The following VKORC1 variants were observed in gnomAD, a reference collection of about 807,000 sequenced individuals.
The protein encoded by VKORC1 is vitamin K epoxide reductase complex subunit 1.
In VKORC1, 12 loss-of-function variants were observed where a neutral mutation model predicts 14.8. That is an observed-to-expected ratio of 0.81 (90% CI 0.52 to 1.31). The LOEUF is 1.31. Ranked by LOEUF, VKORC1 falls within the 50% of genes most tolerant of loss-of-function variation. VKORC1 has a pLI of 0.00. For synonymous variants in VKORC1, 94 were observed against 92.5 expected, an observed-to-expected ratio of 1.02 and a Z score of -0.09; for missense variants, 223 against 215.3, an observed-to-expected ratio of 1.04 and a Z score of -0.22.
chr16:31,092,957 C>T (rs2057299471), intron 2 of VKORC1: 1 of 419,062 alleles, frequency 2.4e-6, no homozygotes, highest in Non-Finnish European at 4.3e-6. Flanking sequence ...TGGGAGGATC[C>T]CTTGGGCAGG....
Position 31,090,862 on chromosome 16 carries a change from C to A in VKORC1, c.*272G>T. ...CATGGTTCAGACTTGGCTGATTGAT[C>A]TAAGAAACTTTATTGCTCAGAACCT... On this transcript the variant is annotated 3_prime_UTR_variant, in exon 3 of 3. Coordinates refer to ENST00000394975, the MANE Select transcript of VKORC1 (RefSeq NM_024006.6). 1 of 509,032 alleles carries A rather than the reference C, an allele frequency of 2.0e-6. No individual in the cohort carries two copies. Among genetic ancestry groups the A allele is most frequent in the Non-Finnish European group, 3.5e-6 (1 of 283,218 alleles). 31.5% of individuals were successfully genotyped at this position (509,032 alleles called of 1,614,324 possible). A position where few individuals can be genotyped will look rare whatever the true frequency, so the allele number is the denominator to read the frequency against.
intron 2 of VKORC1, chr16:31,092,726 A>G: frequency 7.9e-7 from 1 of 1,270,790 alleles, no homozygotes; most frequent in Non-Finnish European, 1.0e-6. Flanking sequence ...CTCCTTAAAA[A>G]GGAATTTCGG....
At position 31,091,089 on chromosome 16, in the gene VKORC1, T is replaced by G; in HGVS notation, c.*45A>C. The G allele has an allele frequency of 1.2e-6, 2 of 1,609,162 alleles. No homozygotes were observed. The highest frequency in any genetic ancestry group is 1.7e-6 in the Non-Finnish European group (2 of 1,178,644). ...TATGCCCCCTTAGGCAAGGCTCACA[T>G]GCCAAAGCAAAGCAGATGAGGTCAG... On this transcript the variant is annotated 3_prime_UTR_variant, in exon 3 of 3. Transcript: ENST00000394975.
Position 31,093,338 on chromosome 16 carries a change from A to T in VKORC1, c.257T>A (p.Ile86Asn). 6.2e-7 allele frequency: 1 copy of T among 1,614,052 alleles called. No homozygotes were observed. Among genetic ancestry groups the T allele is most frequent in the South Asian group, 1.1e-5 (1 of 91,068 alleles). ...LNQSNSIFGC[I>N]FYTLQLLLGC... is the part of the protein sequence containing the mutation. ...TAACAATAGCTGTAGTGTGTAGAAG[A>T]TGCAACCGAATATGCTGTTGGATTG... The change falls in exon 2 of 3, where the codon ATC becomes AAC. Residue 86 changes from isoleucine to asparagine, a missense_variant. Coordinates refer to ENST00000394975, the MANE Select transcript of VKORC1 (RefSeq NM_024006.6).
chr16:31,090,881 A>G lies in VKORC1; in HGVS notation c.*253T>C. ...ATTGATCTAAGAAACTTTATTGCTC[A>G]GAACCTTCCCTCCCTGGGCAATGGA... On this transcript the variant is annotated 3_prime_UTR_variant, in exon 3 of 3. Coordinates refer to ENST00000394975, the MANE Select transcript of VKORC1 (RefSeq NM_024006.6). The G allele has an allele frequency of 3.5e-6, 2 of 568,080 alleles. No homozygotes were observed. Among genetic ancestry groups the G allele is most frequent in the South Asian group, 4.0e-5 (2 of 49,406 alleles). 35.2% of individuals were successfully genotyped at this position (568,080 alleles called of 1,614,324 possible).
intron 1 of VKORC1, chr16:31,094,187 C>G: frequency 2.5e-6 from 4 of 1,583,130 alleles, no homozygotes; most frequent in South Asian, 1.2e-5. Flanking sequence ...ACAGCCAGAC[C>G]GGGCCACCTT....
Position 31,094,734 on chromosome 16 carries a change from T to C in VKORC1, c.-5A>G. On this transcript the variant is annotated 5_prime_UTR_variant, in exon 1 of 3. Coordinates refer to ENST00000394975, the MANE Select transcript of VKORC1 (RefSeq NM_024006.6). ...GCTCCCCCAGGTGCTGCCCATTATCTCCAGGTTCCGCCCGAGGCGCCCGCG... is the reference window on the plus strand; with the variant it reads ...GCTCCCCCAGGTGCTGCCCATTATCCCCAGGTTCCGCCCGAGGCGCCCGCG... The C allele has an allele frequency of 6.3e-7, 1 of 1,599,508 alleles. No individual in the cohort carries two copies. Among genetic ancestry groups the C allele is most frequent in the Non-Finnish European group, 8.5e-7 (1 of 1,175,534 alleles).
Position 31,093,399 on chromosome 16 carries a change from C to G in VKORC1, c.196G>C (p.Val66Leu). Reference protein sequence around the residue: ...SSRWGRGFGLVEHVLGQDSIL... With the variant: ...SSRWGRGFGLLEHVLGQDSIL... ...CTGTCCTGTCCCAGCACATGCTCCA[C>G]CAGCCCGAAACCCCTGCCCCACCTG... The change falls in exon 2 of 3, where the codon GTG becomes CTG. Residue 66 changes from valine to leucine, a missense_variant. Transcript: ENST00000394975. 1 of 1,614,158 alleles carries G rather than the reference C, an allele frequency of 6.2e-7. No individual in the cohort carries two copies. Among genetic ancestry groups the G allele is most frequent in the Non-Finnish European group, 8.5e-7 (1 of 1,180,026 alleles).
chr16:31,091,337 G>C lies in VKORC1; in HGVS notation c.289C>G (p.Leu97Val). ...FYTLQLLLGC[L>V]RTRWASVLML... Reference sequence around the variant, plus strand: ...AGGACAGAGGCCCAGCGTGTCCGCAGGCAACCTGCAAGGCAGAAGAGGGTC... The same window carrying C: ...AGGACAGAGGCCCAGCGTGTCCGCACGCAACCTGCAAGGCAGAAGAGGGTC... Residue 97 changes from leucine (L) to valine (V), a missense_variant, in exon 3 of 3, where the codon CTG becomes GTG. Physicochemically the swap from Leu to Val is conservative, Grantham distance 32. Transcript: ENST00000394975. 1 of 1,613,484 alleles carries C rather than the reference G, an allele frequency of 6.2e-7. No individual in the cohort carries two copies. The highest frequency in any genetic ancestry group is 8.5e-7 in the Non-Finnish European group (1 of 1,179,800).
At position 31,094,591 on chromosome 16, in the gene VKORC1, T is replaced by G; in HGVS notation, c.139A>C (p.Thr47Pro). 1 of 1,610,152 alleles carries G rather than the reference T, an allele frequency of 6.2e-7. No individual in the cohort carries two copies. The highest frequency in any genetic ancestry group is 8.5e-7 in the Non-Finnish European group (1 of 1,179,124). The change falls in exon 1 of 3, where the codon ACC (threonine) becomes CCC (proline). Residue 47 changes from threonine (T) to proline (P), a missense_variant. Coordinates refer to ENST00000394975, the MANE Select transcript of VKORC1 (RefSeq NM_024006.6). ...AAGACGCGCGAACAGCTGATGGCGG[T>G]GCCCACGTCGCAGAGCGCGCGGTAA... ...RDYRALCDVG[T>P]AISCSRVFSS...
At chr16:31,093,627 C>G in intron 1 of VKORC1, 17 of 1,384,678 alleles carry the variant, frequency 1.2e-5, no homozygotes, top group South Asian at 1.4e-5. Context: ...CTATCCTCCC[C>G]TCTCCCCAGA....
At chr16:31,093,196 G>T in intron 2 of VKORC1, 116 bp downstream of exon 2, 1 of 1,103,798 alleles carries the variant, frequency 9.1e-7, no homozygotes, top group Non-Finnish European at 1.3e-6. Flanking sequence ...TCCGTGATGA[G>T]CAGCTAGCTG....
At chr16:31,092,698 A>G (rs1262319256) in intron 2 of VKORC1, 2 of 1,242,708 alleles carry the variant, frequency 1.6e-6, no homozygotes, top group Admixed American at 2.8e-5. Flanking sequence ...GAGACAAAAG[A>G]TAGCTCATGC....
intron 1 of VKORC1, chr16:31,093,681 T>C (rs559334548): frequency 5.1e-6 from 2 of 394,358 alleles, no homozygotes; most frequent in East Asian, 1.1e-4. Flanking sequence ...CTTTTCATCT[T>C]AGACCTTAAG....
chr16:31,094,099 C>T (rs1415608801), intron 1 of VKORC1: 19 of 1,447,936 alleles, frequency 1.3e-5, no homozygotes, highest in Non-Finnish European at 1.7e-5. Flanking sequence ...TTGCCCTGGA[C>T]CCCAGAATCT....
intron 2 of VKORC1, 33 bp downstream of exon 2, chr16:31,093,269 AGGGGCGGGGC>A: frequency 2.0e-6 from 2 of 1,006,606 alleles, no homozygotes; most frequent in Non-Finnish European, 2.4e-6. Flanking sequence ...AAGGGGGATG[AGGGGCGGGGC>A]GGGGCGGGCA....
intron 1 of VKORC1, 76 bp downstream of exon 1, chr16:31,094,481 C>T (rs773122479): frequency 5.0e-6 from 8 of 1,612,892 alleles, no homozygotes; most frequent in Non-Finnish European, 6.8e-6. Context: ...GCACACCGAT[C>T]CCAGACTCCA....
At position 31,094,511 on chromosome 16, in the gene VKORC1, T is replaced by C. The variant is rs754496094; in HGVS notation, c.173+46A>G. On this transcript the variant is annotated intron_variant, in intron 1 of 2. Coordinates refer to ENST00000394975, the MANE Select transcript of VKORC1 (RefSeq NM_024006.6). ...ACTCCAGAATAATCATCTGGCATCC[T>C]GGCCGCCCTGCTCCGAGGCCCCACG... The C allele has an allele frequency of 1.3e-5, 21 of 1,612,530 alleles. No homozygotes were observed. In the African/African-American group the frequency reaches 2.4e-4, roughly 18 times the overall value.
intron 1 of VKORC1, 132 bp from the exon 2 acceptor site, chr16:31,093,553 C>T (rs1260471716): frequency 6.5e-7 from 1 of 1,547,826 alleles, no homozygotes; most frequent in Non-Finnish European, 8.7e-7. Flanking sequence ...CATCCTAGTC[C>T]AAGGGTCGAT....
Sources: gnomAD v4.1 joint callset for allele counts on GRCh38, gnomAD v4.1.1 for gene constraint, MANE v1.5 for transcripts, NCBI Gene and HGNC (gene_info 2026-07-23, HGNC 2026-07-21) for gene names.